The following SFMBT2 variants were observed in gnomAD, a reference collection of about 807,000 sequenced individuals.
SFMBT2 encodes Scm like with four mbt domains 2, also known as scm-like with four MBT domains protein 2.
SFMBT2 carries 38 observed loss-of-function variants against 110.1 expected under a neutral mutation model. The ratio of observed to expected loss-of-function variants is 0.35; its 90% CI spans 0.27 to 0.45. SFMBT2 has a LOEUF of 0.45. SFMBT2 is among the 20% of genes least tolerant of loss of function. The pLI is 1.00. For synonymous variants in SFMBT2, 425 were observed against 425.4 expected (o/e 1.00, Z 0.01); for missense variants, 1,011 against 1,094.9 (o/e 0.92, Z 1.08).
chr10:7,393,447 C>G (rs192425237), intron 1 of SFMBT2, among the ~76,000 whole-genome samples: 299 of 152,188 alleles, frequency 2.0e-3, no homozygotes, highest in Non-Finnish European at 2.3e-3. Context: ...TCTAGTTAAA[C>G]AATAATTAAA....
At chr10:7,398,137 A>T (rs1357122014) in intron 1 of SFMBT2, among the ~76,000 whole-genome samples, 1 of 152,236 alleles carries the variant, frequency 6.6e-6, no homozygotes, top group African/African-American at 2.4e-5. Context: ...ATGCCTCAAT[A>T]CTAGGAAATA....
chr10:7,382,010 A>AC (rs1302643614), intron 1 of SFMBT2, 61 bp from the exon 2 acceptor site: 1 of 867,496 alleles, frequency 1.2e-6, no homozygotes, highest in Non-Finnish European at 1.6e-6. Flanking sequence ...ATATTCACTT[A>AC]TTTTTAATTT....
Position 7,288,947 on chromosome 10 carries a change from C to T in SFMBT2, c.437-2993G>A, listed in dbSNP as rs149226869. Among the ~76,000 whole-genome samples, 275 of 149,940 alleles carry T rather than the reference C, an allele frequency of 1.8e-3. 1 individual carries two copies. Among genetic ancestry groups the T allele is most frequent in the African/African-American group, 6.4e-3 (263 of 40,798 alleles). On this transcript the variant is annotated intron_variant, in intron 4 of 20. Transcript: ENST00000397167. The stretch of plus-strand genomic sequence containing the variant: ...GCTACTCGGGAGGCTGAGCCGAAAT[C>T]GTGCCACTGCACTCTAGCCTGGGCG...
chr10:7,163,123 CAACA>C lies in SFMBT2; in HGVS notation c.*643_*646del, dbSNP rs59930811. On this transcript the variant is annotated 3_prime_UTR_variant, in exon 21 of 21. Transcript: ENST00000397167. The surrounding 1 kb of genome is among the most constrained non-coding windows in gnomAD (Gnocchi z 4.8). The stretch of plus-strand genomic sequence containing the variant: ...GTCTCAAAAAACACAACAAAATGAA[CAACA>C]AACAAACAAACAAACAAACAAACCA... 2,176 of 160,714 alleles carry C rather than the reference CAACA, an allele frequency of 0.014. 38 individuals carry two copies. The highest frequency in any genetic ancestry group is 0.038 in the African/African-American group (1,545 of 41,090). The allele number at this position is 160,714 out of a possible 1,614,324, so 10.0% of individuals were successfully genotyped here.
Position 7,246,718 on chromosome 10 carries a change from C to CAAAAAA in SFMBT2, c.972+1824_972+1829dup, listed in dbSNP as rs397949347. On this transcript the variant is annotated intron_variant, in intron 8 of 20. Coordinates refer to ENST00000397167, the MANE Select transcript of SFMBT2 (RefSeq NM_001387889.1). ...TGGGTGACGGAGCAAGACTCCATCT[C>CAAAAAA]AAAAAAAAAAAAAAAAAAAAAAGAA... 4.9e-4 allele frequency among the ~76,000 whole-genome samples: 35 copies of CAAAAAA among 72,054 alleles called. 1 individual carries two copies. The highest frequency in any genetic ancestry group is 9.5e-4 in the African/African-American group (16 of 16,898). The allele number at this position is 72,054 out of a possible 152,430, so 47.3% of individuals were successfully genotyped here.
At position 7,172,210 on chromosome 10, in the gene SFMBT2, C is replaced by A. The variant is rs369703644; in HGVS notation, c.2152-52G>T. 2 of 1,509,946 alleles carry A rather than the reference C, an allele frequency of 1.3e-6. No homozygotes were observed. Among genetic ancestry groups the A allele is most frequent in the Non-Finnish European group, 1.8e-6 (2 of 1,129,980 alleles). The allele number at this position is 1,509,946 out of a possible 1,614,324, so 93.5% of individuals were successfully genotyped here. ...GGGCTGGTGGCCCGGGGGCCTGTAG[C>A]GGTGGCCCCGCGGTCAGACCCTGGG... On this transcript the variant is annotated intron_variant, in intron 18 of 20. Transcript: ENST00000397167. This position sits in a 1 kb window ranked among gnomAD's most constrained non-coding sequence, Gnocchi z 4.6.
At chr10:7,184,165 A>G (rs547143965) in intron 16 of SFMBT2, among the ~76,000 whole-genome samples, 5 of 152,318 alleles carry the variant, frequency 3.3e-5, no homozygotes, top group South Asian at 2.1e-4. Flanking sequence ...ATGCCAAAAA[A>G]ATCATCTCCT....
At chr10:7,212,174 G>A (rs1362365885) in intron 11 of SFMBT2, among the ~76,000 whole-genome samples, 2 of 152,196 alleles carry the variant, frequency 1.3e-5, no homozygotes, top group South Asian at 2.1e-4. Context: ...CAGTTTGCTG[G>A]AACTCAAGTC....
At chr10:7,349,694 G>A (rs529889303) in intron 4 of SFMBT2, among the ~76,000 whole-genome samples, 97 of 151,710 alleles carry the variant, frequency 6.4e-4, no homozygotes, top group African/African-American at 2.3e-3. Context: ...CCTGACCTAG[G>A]GTGATCTGCC....
intron 20 of SFMBT2, among the ~76,000 whole-genome samples, chr10:7,168,054 G>A (rs1837746361): frequency 7.3e-6 from 1 of 137,482 alleles, no homozygotes; most frequent in South Asian, 2.3e-4. Context: ...GGTTACAAGA[G>A]TAAAACTCCA....
At chr10:7,269,568 A>T (rs1383716661) in intron 7 of SFMBT2, among the ~76,000 whole-genome samples, 1 of 152,232 alleles carries the variant, frequency 6.6e-6, no homozygotes, top group Admixed American at 6.5e-5. Flanking sequence ...GCAATTTTCC[A>T]TAACAACACG....
At chr10:7,303,350 T>G (rs1588432163) in intron 4 of SFMBT2, among the ~76,000 whole-genome samples, 1 of 152,376 alleles carries the variant, frequency 6.6e-6, no homozygotes, top group Non-Finnish European at 1.5e-5. Context: ...AAAACTATTA[T>G]GTCAGCCTTA....
intron 4 of SFMBT2, among the ~76,000 whole-genome samples, chr10:7,290,247 A>G (rs1842223149): frequency 6.6e-6 from 1 of 150,844 alleles, no homozygotes; most frequent in Non-Finnish European, 1.5e-5. Flanking sequence ...AAACTCCTAG[A>G]AAGTCATAAG....
At chr10:7,200,970 T>A in intron 13 of SFMBT2, 1 of 456,926 alleles carries the variant, frequency 2.2e-6, no homozygotes, top group Non-Finnish European at 2.9e-6. Flanking sequence ...ATCTATAAAC[T>A]GGCATATCTT....
In SFMBT2 at chr10:7,367,515, T is replaced by C. The variant is rs561281454; in HGVS notation, c.436+134A>G. The C allele has an allele frequency of 2.1e-5, 30 of 1,407,358 alleles. No homozygotes were observed. The East Asian group carries it at 7.2e-4, about 34-fold the overall frequency. 87.2% of individuals were successfully genotyped at this position (1,407,358 alleles called of 1,614,324 possible). A position where few individuals can be genotyped will look rare whatever the true frequency, so the allele number is the denominator to read the frequency against. On this transcript the variant is annotated intron_variant, in intron 4 of 20. Transcript: ENST00000397167. This position sits in a 1 kb window ranked among gnomAD's most constrained non-coding sequence, Gnocchi z 6.2. ...CAGCTAAGGAAACCTGAGAAACCACTCTGAAAGAACTGTGAGACCTTTGCA... is the reference window on the plus strand; with the variant it reads ...CAGCTAAGGAAACCTGAGAAACCACCCTGAAAGAACTGTGAGACCTTTGCA...
intron 4 of SFMBT2, among the ~76,000 whole-genome samples, chr10:7,348,833 A>G (rs1844205789): frequency 6.6e-6 from 1 of 152,200 alleles, no homozygotes; most frequent in Non-Finnish European, 1.5e-5. Context: ...GGCACATTTC[A>G]GTTTCCGTGA....
At chr10:7,197,393 T>A (rs2131594576) in intron 15 of SFMBT2, among the ~76,000 whole-genome samples, 155 bp downstream of exon 15, 1 of 152,230 alleles carries the variant, frequency 6.6e-6, no homozygotes, top group East Asian at 1.9e-4. Context: ...CATTTGTGTA[T>A]CTCTGGCTTC....
intron 15 of SFMBT2, among the ~76,000 whole-genome samples, chr10:7,193,462 C>T (rs188434917): frequency 6.6e-6 from 1 of 152,344 alleles, no homozygotes; most frequent in Admixed American, 6.5e-5. Context: ...ACAATGTCCC[C>T]CCACCATGAT....
At chr10:7,271,938 A>G (rs1255575104) in intron 7 of SFMBT2, among the ~76,000 whole-genome samples, 1 of 152,204 alleles carries the variant, frequency 6.6e-6, no homozygotes, top group Non-Finnish European at 1.5e-5. Context: ...GGTCCCTCCC[A>G]CAACATGTGG....
Sources: allele counts gnomAD v4.1 joint callset (sites outside exome capture counted in the v4.1 genomes callset), GRCh38; gene constraint gnomAD v4.1.1; non-coding constraint Gnocchi (gnomAD v3.1); transcripts MANE v1.5; gene names NCBI Gene and HGNC (gene_info 2026-07-23, HGNC 2026-07-21).